ZNF718: variants seen among roughly 807,000 people sequenced by gnomAD.
ZNF718 encodes zinc finger protein 718.
In ZNF718, 3 loss-of-function variants were observed where a neutral mutation model predicts 2.6. The observed-to-expected ratio is 1.16, with a 90% CI of 0.53 to 3.01. The LOEUF is 3.01. Ranked by LOEUF, ZNF718 falls within the 30% of genes most tolerant of loss-of-function variation. ZNF718 has a pLI of 0.03. For synonymous variants in ZNF718, 135 were observed against 77.9 expected (o/e 1.73, Z -3.86); for missense variants, 468 against 230.0 (o/e 2.03, Z -6.69).
exon 5 of ZNF718, chr4:202,251 G>A (rs1333586558): frequency 6.6e-6 from 1 of 152,206 alleles, no homozygotes; most frequent in East Asian, 1.9e-4. Context: ...ATGATTGAGA[G>A]GCCTCCCCAG....
chr4:151,308 G>A (rs1451039053), intron 3 of ZNF718, among the ~76,000 whole-genome samples: 1 of 151,838 alleles, frequency 6.6e-6, no homozygotes, highest in Non-Finnish European at 1.5e-5. Flanking sequence ...GTTTCACCGT[G>A]TTGCCCAGGC....
chr4:128,463 T>G (rs1715284492), intron 1 of ZNF718, among the ~76,000 whole-genome samples: 1 of 102,998 alleles, frequency 9.7e-6, no homozygotes, highest in Non-Finnish European at 2.2e-5. Flanking sequence ...ACCTTCCTCC[T>G]CTATACTGTG....
rs1400447119 is a variant in ZNF718 at position 133,217 on chromosome 4, T to G, written c.226+1712T>G. 6.1e-3 allele frequency among the ~76,000 whole-genome samples: 177 copies of G among 28,784 alleles called. 52 individuals carry two copies. The highest frequency in any genetic ancestry group is 0.019 in the African/African-American group (164 of 8,496). 18.9% of individuals were successfully genotyped at this position (28,784 alleles called of 152,430 possible). On this transcript the variant is annotated intron_variant, in intron 3 of 3. Coordinates refer to ENST00000510175, the MANE Select transcript of ZNF718 (RefSeq NM_001039127.6). ...AAAAATATATATATATATATATATA[T>G]ATATATATATATGGTAACACTAATA...
At chr4:190,278 A>T (rs1717665003) in intron 3 of ZNF718, among the ~76,000 whole-genome samples, 1 of 151,984 alleles carries the variant, frequency 6.6e-6, no homozygotes, top group South Asian at 2.1e-4. Context: ...AAAATACAAA[A>T]AATTAGCCAG....
chr4:160,929 A>G lies in ZNF718; in HGVS notation c.244A>G (p.Thr82Ala), dbSNP rs782625685. ...ARPPAVCSHF[T>A]QNLWTVQGIE... Reference sequence around the variant, plus strand: ...TCTTTCAGCTGTGTGTTCTCATTTCACCCAAAACCTTTGGACAGTGCAGGG... The same window carrying G: ...TCTTTCAGCTGTGTGTTCTCATTTCGCCCAAAACCTTTGGACAGTGCAGGG... The change falls in exon 4 of 4, where the codon ACC becomes GCC. Residue 82 changes from threonine (T) to alanine (A), a missense_variant. Thr to Ala is a moderately conservative substitution (Grantham distance 58). Coordinates refer to ENST00000510175, the MANE Select transcript of ZNF718 (RefSeq NM_001039127.6). 3.9e-6 allele frequency: 3 copies of G among 759,844 alleles called. No individual in the cohort carries two copies. The highest frequency in any genetic ancestry group is 7.3e-6 in the Non-Finnish European group (3 of 411,560). The allele number at this position is 759,844 out of a possible 1,614,324, so 47.1% of individuals were successfully genotyped here. A position where few individuals can be genotyped will look rare whatever the true frequency, so the allele number is the denominator to read the frequency against.
intron 3 of ZNF718, among the ~76,000 whole-genome samples, chr4:193,660 TC>T (rs1268242536): frequency 4.2e-4 from 64 of 152,152 alleles, no homozygotes; most frequent in African/African-American, 1.4e-3. Flanking sequence ...AGGACAGTTG[TC>T]CGGGAGAGGA....
chr4:143,994 C>T (rs1207736029), intron 3 of ZNF718, among the ~76,000 whole-genome samples: 1 of 152,096 alleles, frequency 6.6e-6, no homozygotes, highest in Non-Finnish European at 1.5e-5. Context: ...GAGGCAGGGA[C>T]CATAAGCCCA....
chr4:192,606 CT>C (rs1717715008), intron 3 of ZNF718, among the ~76,000 whole-genome samples: 1 of 152,164 alleles, frequency 6.6e-6, no homozygotes, highest in African/African-American at 2.4e-5. Flanking sequence ...CAACTCTTAA[CT>C]GCTATCTGCT....
rs781836575 is a variant in ZNF718, at chr4:161,008, A to G, written c.323A>G (p.His108Arg). ...CCAAAAGGACATGAGAAACGTGGACATGAGAATTTAAGAAAAACTTGTAAA... is the reference window on the plus strand; with the variant it reads ...CCAAAAGGACATGAGAAACGTGGACGTGAGAATTTAAGAAAAACTTGTAAA... The part of the protein sequence containing the change: ...LIPKGHEKRG[H>R]ENLRKTCKSI... The change falls in exon 4 of 4, where the codon CAT becomes CGT. Residue 108 changes from histidine to arginine, a missense_variant. By Grantham distance (29) the His-to-Arg change is conservative. Coordinates refer to ENST00000510175, the MANE Select transcript of ZNF718 (RefSeq NM_001039127.6). The G allele has an allele frequency of 3.8e-6, 3 of 781,054 alleles. No homozygotes were observed. Among genetic ancestry groups the G allele is most frequent in the Non-Finnish European group, 7.2e-6 (3 of 418,102 alleles). 48.4% of individuals were successfully genotyped at this position (781,054 alleles called of 1,614,324 possible). A position where few individuals can be genotyped will look rare whatever the true frequency, so the allele number is the denominator to read the frequency against.
At chr4:141,189 AAG>A (rs1453407118) in intron 3 of ZNF718, among the ~76,000 whole-genome samples, 12 of 152,026 alleles carry the variant, frequency 7.9e-5, no homozygotes, top group African/African-American at 2.7e-4. Context: ...ATGAAAAAAA[AAG>A]AGAATAGTTT....
chr4:198,638 A>G (rs1332073349), intron 3 of ZNF718, among the ~76,000 whole-genome samples: 3 of 152,328 alleles, frequency 2.0e-5, no homozygotes, highest in East Asian at 3.9e-4. Flanking sequence ...TATAGGGATG[A>G]ACTAGGTGGA....
intron 3 of ZNF718, among the ~76,000 whole-genome samples, chr4:175,207 C>T (rs1560128846): frequency 6.6e-6 from 1 of 152,212 alleles, no homozygotes; most frequent in Non-Finnish European, 1.5e-5. Context: ...AACCAACAAC[C>T]GTTTTACCCC....
intron 3 of ZNF718, among the ~76,000 whole-genome samples, chr4:137,866 T>C (rs1010905515): frequency 6.6e-6 from 1 of 152,228 alleles, no homozygotes; most frequent in Non-Finnish European, 1.5e-5. Context: ...GTTGATGCTA[T>C]ATGCAAGAAA....
intron 3 of ZNF718, among the ~76,000 whole-genome samples, chr4:183,924 T>A (rs1194723419): frequency 2.0e-5 from 3 of 152,128 alleles, no homozygotes; most frequent in Admixed American, 2.0e-4. Flanking sequence ...ACAGTGGGGT[T>A]TTCTAGATAT....
At chr4:167,297 T>A (rs1213730417), downstream of ZNF718, among the ~76,000 whole-genome samples, 1 of 152,170 alleles carries the variant, frequency 6.6e-6, no homozygotes. Flanking sequence ...TGCCCCCAGC[T>A]TTGTCCTTTT....
At chr4:147,179 C>T (rs140311907) in intron 3 of ZNF718, among the ~76,000 whole-genome samples, 6 of 152,258 alleles carry the variant, frequency 3.9e-5, no homozygotes, top group African/African-American at 1.4e-4. Flanking sequence ...CCATGTTGGT[C>T]AGACTGGTGA....
intron 3 of ZNF718, among the ~76,000 whole-genome samples, chr4:197,287 G>A (rs1192937028): frequency 6.6e-6 from 1 of 151,864 alleles, no homozygotes; most frequent in Non-Finnish European, 1.5e-5. Flanking sequence ...TTTATACACT[G>A]TGAGGTGGTG....
At chr4:167,041 AG>A (rs1228194119), downstream of ZNF718, among the ~76,000 whole-genome samples, 1 of 152,150 alleles carries the variant, frequency 6.6e-6, no homozygotes, top group Non-Finnish European at 1.5e-5. Flanking sequence ...GGTGTAAGGA[AG>A]GGATCCAGTT....
At position 161,066 on chromosome 4, in the gene ZNF718, T is replaced by G. The variant is rs782502697; in HGVS notation, c.381T>G (p.Gly127=). ...SINECKVQKG[G]YNRINQCLLT... ...ATGAGTGTAAGGTGCAGAAAGGTGG[T>G]TATAATAGAATTAACCAATGCTTAT... The change falls in exon 4 of 4, where the codon GGT becomes GGG. Residue 127 remains glycine (G), a synonymous_variant. Transcript: ENST00000510175. 2.6e-6 allele frequency: 2 copies of G among 779,306 alleles called. No homozygotes were observed. The highest frequency in any genetic ancestry group is 4.8e-6 in the Non-Finnish European group (2 of 417,126). 48.3% of individuals were successfully genotyped at this position (779,306 alleles called of 1,614,324 possible).
Sources: allele counts gnomAD v4.1 joint callset (sites outside exome capture counted in the v4.1 genomes callset), GRCh38; gene constraint gnomAD v4.1.1; transcripts MANE v1.5; gene names NCBI Gene and HGNC (gene_info 2026-07-23, HGNC 2026-07-21).